CHD1: variants seen among roughly 807,000 people sequenced by gnomAD.
CHD1 encodes the protein ATP-dependent chromatin remodeler CHD1.
A neutral mutation model predicts 224.2 loss-of-function variants in CHD1; 36 were observed. That is an observed-to-expected ratio of 0.16 (90% CI 0.12 to 0.21). The LOEUF (loss-of-function observed/expected upper bound fraction) is 0.21. Among genes scored for constraint, CHD1 ranks in the 10% least tolerant of loss-of-function variants. CHD1 has a pLI of 1.00. For missense variants in CHD1, 1,378 were observed against 1,994.8 expected (o/e 0.69, Z 5.89); for synonymous variants, 668 against 658.3 (o/e 1.01, Z -0.23).
chr5:98,869,603 T>TGCGTGCGC, intron 30 of CHD1, 151 bp downstream of exon 30: 2 of 737,974 alleles, frequency 2.7e-6, no homozygotes, highest in East Asian at 5.5e-5. Context: ...GAACTATAAG[T>TGCGTGCGC]GCGTGCGCAC....
At chr5:98,892,736 A>T (rs1334795851) in intron 14 of CHD1, 23 bp from the exon 15 acceptor site, 2 of 1,514,746 alleles carry the variant, frequency 1.3e-6, no homozygotes, top group Non-Finnish European at 1.8e-6. Flanking sequence ...AGAAATTGGA[A>T]CAATTACTAG....
At chr5:98,912,225 A>C (rs1245061986) in intron 2 of CHD1, among the ~76,000 whole-genome samples, 1 of 152,228 alleles carries the variant, frequency 6.6e-6, no homozygotes, top group Non-Finnish European at 1.5e-5. Flanking sequence ...TGAACATAAC[A>C]GGCAAGTAAA....
At chr5:98,864,682 T>C (rs1748727420) in intron 31 of CHD1, among the ~76,000 whole-genome samples, 1 of 152,064 alleles carries the variant, frequency 6.6e-6, no homozygotes, top group Non-Finnish European at 1.5e-5. Flanking sequence ...AGTGAGACCC[T>C]ATTTCAAAAA....
At chr5:98,895,804 C>CA (rs1691518143) in intron 12 of CHD1, among the ~76,000 whole-genome samples, 1 of 150,894 alleles carries the variant, frequency 6.6e-6, no homozygotes, top group Admixed American at 6.6e-5. Context: ...AACACTAAAC[C>CA]AAAACTGACT....
intron 10 of CHD1, 55 bp from the exon 11 acceptor site, chr5:98,897,375 T>C: frequency 7.9e-7 from 1 of 1,269,170 alleles, no homozygotes; most frequent in Non-Finnish European, 1.1e-6. Context: ...GAAATTATAC[T>C]AAAAGATGAA....
chr5:98,872,447 G>C lies in CHD1; in HGVS notation c.3680C>G (p.Ser1227Cys), dbSNP rs776571148. Reference protein sequence around the residue: ...HEEELIPLHKSIPSDPEERKQ... With the variant: ...HEEELIPLHKCIPSDPEERKQ... Reference sequence around the variant, plus strand: ...TCTTTCTTCTGGATCAGAAGGAATGGATTTGTGCAAAGGTATTAATTCTTC... The same window carrying C: ...TCTTTCTTCTGGATCAGAAGGAATGCATTTGTGCAAAGGTATTAATTCTTC... The change falls in exon 27 of 36, where the codon TCC becomes TGC. Residue 1227 changes from serine (S) to cysteine (C), a missense_variant. By Grantham distance (112) the Ser-to-Cys change is moderately radical. Around this residue, in one of 16 missense-constraint regions of CHD1, gnomAD observed 286 missense variants for 445.1 expected, o/e 0.64. Coordinates refer to ENST00000614616, the MANE Select transcript of CHD1 (RefSeq NM_001270.4). 4 of 1,613,042 alleles carry C rather than the reference G, an allele frequency of 2.5e-6. No individual in the cohort carries two copies. The highest frequency in any genetic ancestry group is 3.4e-6 in the Non-Finnish European group (4 of 1,179,582).
Position 98,928,026 on chromosome 5 carries a change from C to G in CHD1, c.-149+513G>C, listed in dbSNP as rs1242790674. 2.6e-5 allele frequency among the ~76,000 whole-genome samples: 4 copies of G among 152,156 alleles called. No homozygotes were observed. In the East Asian group the frequency reaches 7.7e-4, roughly 29 times the overall value. ...ACTCGAAAGAGGTTTGGAAACCATC[C>G]TCACTCATCCATCCAGCGCGCTCCA... On this transcript the variant is annotated intron_variant, in intron 1 of 35. Coordinates refer to ENST00000614616, the MANE Select transcript of CHD1 (RefSeq NM_001270.4).
chr5:98,875,388 A>G (rs1749676368), intron 24 of CHD1, among the ~76,000 whole-genome samples: 1 of 152,192 alleles, frequency 6.6e-6, no homozygotes, highest in South Asian at 2.1e-4. Context: ...TTACTTCATT[A>G]TTTTCATAAG....
intron 14 of CHD1, 40 bp downstream of exon 14, chr5:98,893,376 A>G (rs760996159): frequency 7.9e-6 from 11 of 1,384,832 alleles, no homozygotes; most frequent in East Asian, 5.0e-5. Flanking sequence ...ACTAAACATA[A>G]TATCCACACA....
rs1462681434 is a variant in CHD1 at position 98,883,008 on chromosome 5, G to C, written c.2718+80C>G. 23 of 921,904 alleles carry C rather than the reference G, an allele frequency of 2.5e-5. No homozygotes were observed. In the African/African-American group the frequency reaches 3.5e-4, roughly 14 times the overall value. 57.1% of individuals were successfully genotyped at this position (921,904 alleles called of 1,614,324 possible). A position where few individuals can be genotyped will look rare whatever the true frequency, so the allele number is the denominator to read the frequency against. ...ACTGTTACAGTGATCTTATCCTCTAGAGGATAAACTGAAATCACTTCCAAA... is the reference window on the plus strand; with the variant it reads ...ACTGTTACAGTGATCTTATCCTCTACAGGATAAACTGAAATCACTTCCAAA... On this transcript the variant is annotated intron_variant, in intron 19 of 35. Coordinates refer to ENST00000614616, the MANE Select transcript of CHD1 (RefSeq NM_001270.4).
At chr5:98,883,013 T>C in intron 19 of CHD1, 75 bp downstream of exon 19, 1 of 964,100 alleles carries the variant, frequency 1.0e-6, no homozygotes, top group South Asian at 2.7e-5. Flanking sequence ...CTCTAGAGGA[T>C]AAACTGAAAT....
At chr5:98,909,838 T>C (rs1046098390) in intron 2 of CHD1, among the ~76,000 whole-genome samples, 4 of 152,178 alleles carry the variant, frequency 2.6e-5, no homozygotes, top group African/African-American at 9.6e-5. Flanking sequence ...TCCTTGTTGA[T>C]TTCCAAACTC....
rs1293538704 is a variant in CHD1 at position 98,897,230 on chromosome 5, G to T, written c.1456C>A (p.Leu486Met). The T allele has an allele frequency of 6.8e-6, 11 of 1,612,354 alleles. No homozygotes were observed. The highest frequency in any genetic ancestry group is 8.5e-6 in the Non-Finnish European group (10 of 1,179,118). ...TGAGCAAGCCAATTTAAACCATTCA[G>T]TTGATAATCTCTTAATTCTAAGCCC... The part of the protein sequence containing the change: ...HEGLELRDYQ[L>M]NGLNWLAHSW... Residue 486 changes from leucine to methionine, a missense_variant, in exon 11 of 36, where the codon CTG (leucine) becomes ATG (methionine). Coordinates refer to ENST00000614616, the MANE Select transcript of CHD1 (RefSeq NM_001270.4).
At chr5:98,894,398 ATTCT>A (rs1425245592) in intron 13 of CHD1, among the ~76,000 whole-genome samples, 195 bp downstream of exon 13, 4 of 152,216 alleles carry the variant, frequency 2.6e-5, no homozygotes, top group Admixed American at 2.0e-4. Context: ...TCTGTTACAT[ATTCT>A]TTCTAAGACC....
At chr5:98,870,267 A>T (rs571497541) in intron 29 of CHD1, among the ~76,000 whole-genome samples, 125 of 152,294 alleles carry the variant, frequency 8.2e-4, no homozygotes, top group African/African-American at 2.9e-3. Context: ...CAGTTGCTCT[A>T]AGTTTCCAAT....
chr5:98,856,878 A>T lies in CHD1; in HGVS notation c.4788-153T>A, dbSNP rs1448424403. ...TTATAAAACTTACTTAATTAACTCA[A>T]AAATCACTGGATATATCTCTTTGGA... is the stretch of plus-strand genomic sequence containing the variant. On this transcript the variant is annotated intron_variant, in intron 35 of 35. Coordinates refer to ENST00000614616, the MANE Select transcript of CHD1 (RefSeq NM_001270.4). 4.7e-3 allele frequency among the ~76,000 whole-genome samples: 713 copies of T among 152,304 alleles called. 8 individuals are homozygous for T. Among genetic ancestry groups the T allele is most frequent in the African/African-American group, 0.016 (656 of 41,574 alleles).
chr5:98,874,856 T>C (rs536530567), intron 25 of CHD1, among the ~76,000 whole-genome samples: 7 of 152,140 alleles, frequency 4.6e-5, no homozygotes, highest in Non-Finnish European at 8.8e-5. Context: ...TAAACATGTA[T>C]AGATAATTTA....
chr5:98,869,863 T>TTTC lies in CHD1; in HGVS notation c.3995_3997dup (p.Arg1332dup). 1 of 1,604,048 alleles carries TTTC rather than the reference T, an allele frequency of 6.2e-7. No individual in the cohort carries two copies. Among genetic ancestry groups the TTTC allele is most frequent in the African/African-American group, 1.3e-5 (1 of 74,804 alleles). On this transcript the variant is annotated inframe_insertion, in exon 30 of 36. Transcript: ENST00000614616. Reference sequence around the variant, plus strand: ...TGCTTTATTCTTCTTAGCTCTTGCTTTTCTCCTCTTTGAACTTCCCTAAAA... The same window carrying TTTC: ...TGCTTTATTCTTCTTAGCTCTTGCTTTTCTTCTCCTCTTTGAACTTCCCTAAAA...
chr5:98,898,375 G>A lies in CHD1; in HGVS notation c.1246C>T (p.Leu416Phe). 1 of 1,599,942 alleles carries A rather than the reference G, an allele frequency of 6.3e-7. No individual in the cohort carries two copies. Among genetic ancestry groups the A allele is most frequent in the Non-Finnish European group, 8.5e-7 (1 of 1,174,278 alleles). Residue 416 changes from leucine (L) to phenylalanine (F), a missense_variant, in exon 10 of 36, where the codon CTT becomes TTT. Physicochemically the swap from Leu to Phe is conservative, Grantham distance 22 (BLOSUM62 0). This residue lies in a region of CHD1 where 86 missense variants were observed against 97.7 expected (regional missense o/e 0.88). Transcript: ENST00000614616. The part of the protein sequence containing the change: ...YPDYYCKWQG[L>F]PYSECSWEDG... ...TCCCAGCTGCACTCTGAGTATGGAA[G>A]GCCCTGCCATTTGCAGTAATAATCA...
Sources: allele counts gnomAD v4.1 joint callset (sites outside exome capture counted in the v4.1 genomes callset), GRCh38; gene constraint gnomAD v4.1.1; regional missense constraint gnomAD v4.1.1; transcripts MANE v1.5; gene names NCBI Gene and HGNC (gene_info 2026-07-23, HGNC 2026-07-21).